RIN3: variants seen among roughly 807,000 people sequenced by gnomAD.
RIN3 encodes Ras and Rab interactor 3.
In RIN3, 54 loss-of-function variants were observed where a neutral mutation model predicts 76.3. The ratio of observed to expected loss-of-function variants is 0.71; its 90% CI spans 0.57 to 0.89. The LOEUF is 0.89. Ranked by LOEUF, RIN3 falls within the 40% of genes least tolerant of loss-of-function variation. The pLI is 0.00. For missense variants in RIN3, 1,256 were observed against 1,322.1 expected (o/e 0.95, Z 0.78); for synonymous variants, 576 against 564.0 (o/e 1.02, Z -0.30).
In RIN3 at chr14:92,514,042, T is replaced by G. The variant is rs1896369009; in HGVS notation, c.44+66T>G. The G allele has an allele frequency of 5.6e-6, 6 of 1,075,764 alleles. No homozygotes were observed. The highest frequency in any genetic ancestry group is 7.1e-6 in the Non-Finnish European group (6 of 844,316). 66.6% of individuals were successfully genotyped at this position (1,075,764 alleles called of 1,614,324 possible). The stretch of plus-strand genomic sequence containing the variant: ...ACGGCCCGCGTCCTGGCCGCCCCAC[T>G]CCACTTCTTGTCCCAGAGAGTCCTT... On this transcript the variant is annotated intron_variant, in intron 1 of 9. Coordinates refer to ENST00000216487, the MANE Select transcript of RIN3 (RefSeq NM_024832.5). This position sits in a 1 kb window ranked among gnomAD's most constrained non-coding sequence, Gnocchi z 7.2.
chr14:92,581,116 G>A (rs1349096749), intron 3 of RIN3, among the ~76,000 whole-genome samples: 1 of 152,224 alleles, frequency 6.6e-6, no homozygotes, highest in East Asian at 1.9e-4. Flanking sequence ...CAGCAGAAGA[G>A]GTAGGGCTGT....
chr14:92,610,374 C>T (rs1372704872), intron 3 of RIN3, among the ~76,000 whole-genome samples: 3 of 152,200 alleles, frequency 2.0e-5, no homozygotes, highest in South Asian at 2.1e-4. Flanking sequence ...TCCTTTCTGT[C>T]TCTGTTTATT....
At chr14:92,609,691 T>A (rs1425039598) in intron 3 of RIN3, among the ~76,000 whole-genome samples, 1 of 151,914 alleles carries the variant, frequency 6.6e-6, no homozygotes, top group South Asian at 2.1e-4. Context: ...ACTAGTAGGG[T>A]TTTGATCTGC....
chr14:92,596,409 G>A (rs1885150073), intron 3 of RIN3, among the ~76,000 whole-genome samples: 2 of 152,156 alleles, frequency 1.3e-5, no homozygotes, highest in African/African-American at 2.4e-5. Flanking sequence ...GCTGAAGTGT[G>A]CCCCCGGATG....
At chr14:92,580,360 G>A (rs557079608) in intron 3 of RIN3, among the ~76,000 whole-genome samples, 3 of 152,288 alleles carry the variant, frequency 2.0e-5, no homozygotes, top group South Asian at 4.1e-4. Flanking sequence ...GTGAGACTCC[G>A]TCTCAACAAC....
chr14:92,614,872 T>C (rs1318673586), intron 3 of RIN3, among the ~76,000 whole-genome samples: 4 of 137,310 alleles, frequency 2.9e-5, no homozygotes, highest in Non-Finnish European at 6.1e-5. Context: ...TGAGACAGAG[T>C]CTCACTCTGT....
intron 1 of RIN3, among the ~76,000 whole-genome samples, chr14:92,533,633 C>T (rs1273785131): frequency 1.3e-5 from 2 of 152,104 alleles, no homozygotes; most frequent in African/African-American, 2.4e-5. Flanking sequence ...AACCAAACAT[C>T]ATATGTTCTC....
At chr14:92,523,528 A>G (rs1420881145) in intron 1 of RIN3, among the ~76,000 whole-genome samples, 1 of 152,236 alleles carries the variant, frequency 6.6e-6, no homozygotes, top group Non-Finnish European at 1.5e-5. Flanking sequence ...TGCCCGAAGT[A>G]CTCAGCTGCT....
chr14:92,688,421 G>T lies in RIN3; in HGVS notation c.*169G>T. On this transcript the variant is annotated 3_prime_UTR_variant, in exon 10 of 10. Coordinates refer to ENST00000216487, the MANE Select transcript of RIN3 (RefSeq NM_024832.5). Reference sequence around the variant, plus strand: ...GAAAATAACATGACGCTCGTCCAAGGCCACTTCCTGAGGGCAAGTCCTAAT... The same window carrying T: ...GAAAATAACATGACGCTCGTCCAAGTCCACTTCCTGAGGGCAAGTCCTAAT... 3 of 648,296 alleles carry T rather than the reference G, an allele frequency of 4.6e-6. No individual in the cohort carries two copies. Among genetic ancestry groups the T allele is most frequent in the East Asian group, 5.7e-5 (2 of 35,204 alleles). The allele number at this position is 648,296 out of a possible 1,614,324, so 40.2% of individuals were successfully genotyped here. A position where few individuals can be genotyped will look rare whatever the true frequency, so the allele number is the denominator to read the frequency against.
chr14:92,566,154 T>C (rs991917706), intron 2 of RIN3, among the ~76,000 whole-genome samples: 2 of 152,210 alleles, frequency 1.3e-5, no homozygotes, highest in African/African-American at 4.8e-5. Context: ...ATGCTATTGT[T>C]CGTCTAGTGG....
chr14:92,545,914 C>CCTTCT (rs1897251416), intron 1 of RIN3, among the ~76,000 whole-genome samples: 1 of 146,854 alleles, frequency 6.8e-6, no homozygotes, highest in Non-Finnish European at 1.5e-5. Context: ...TGATTCTGGC[C>CCTTCT]CTTTTCTTTT....
chr14:92,581,600 C>T (rs1884540973), intron 3 of RIN3, among the ~76,000 whole-genome samples: 1 of 152,144 alleles, frequency 6.6e-6, no homozygotes. Flanking sequence ...CGCCATACTC[C>T]TTCCCCACCT....
intron 1 of RIN3, among the ~76,000 whole-genome samples, chr14:92,516,891 C>T (rs927403785): frequency 6.6e-6 from 1 of 152,126 alleles, no homozygotes; most frequent in Non-Finnish European, 1.5e-5. Flanking sequence ...GGAAACCTAC[C>T]AGGAATTGAT....
chr14:92,626,746 T>A (rs376390496), intron 4 of RIN3, among the ~76,000 whole-genome samples: 9 of 151,544 alleles, frequency 5.9e-5, no homozygotes, highest in East Asian at 5.8e-4. Context: ...ACAGGTCAAG[T>A]TGGGGGGAAT....
intron 1 of RIN3, 27 bp from the exon 2 acceptor site, chr14:92,555,724 A>G: frequency 2.5e-6 from 4 of 1,610,742 alleles, no homozygotes; most frequent in Non-Finnish European, 3.4e-6. Flanking sequence ...GCTGCAGGAT[A>G]GCTGATCATT....
rs368166664 is a variant in RIN3, at chr14:92,563,910, A to AAC, written c.249+7967_249+7968dup. Among the ~76,000 whole-genome samples the AAC allele has an allele frequency of 2.6e-5, 4 of 152,130 alleles. No homozygotes were observed. The East Asian group carries it at 7.7e-4, about 29-fold the overall frequency. On this transcript the variant is annotated intron_variant, in intron 2 of 9. Coordinates refer to ENST00000216487, the MANE Select transcript of RIN3 (RefSeq NM_024832.5). The stretch of plus-strand genomic sequence containing the variant: ...TTTCTTACATCTCTGTACACACACA[A>AAC]ACACACACACACATACCCCTAAGCT...
intron 7 of RIN3, among the ~76,000 whole-genome samples, chr14:92,676,181 G>A (rs538338804): frequency 1.3e-5 from 2 of 152,060 alleles, no homozygotes; most frequent in African/African-American, 4.8e-5. Flanking sequence ...GCAAGCAGCA[G>A]GGGGCGGTCA....
intron 2 of RIN3, 123 bp from the exon 3 acceptor site, chr14:92,577,237 T>G (rs1251883476): frequency 6.2e-6 from 4 of 643,030 alleles, no homozygotes; most frequent in Admixed American, 2.4e-5. Flanking sequence ...GAGGCATCCT[T>G]GATCTCCCTA....
At chr14:92,525,113 C>A (rs987996780) in intron 1 of RIN3, among the ~76,000 whole-genome samples, 4 of 152,210 alleles carry the variant, frequency 2.6e-5, no homozygotes, top group Non-Finnish European at 5.9e-5. Flanking sequence ...TCTTGCCAAG[C>A]CTTGTGTCAT....
Sources: gnomAD v4.1 joint callset for allele counts (sites outside exome capture counted in the v4.1 genomes callset) on GRCh38, gnomAD v4.1.1 for gene constraint, Gnocchi (gnomAD v3.1) non-coding constraint, MANE v1.5 for transcripts, NCBI Gene and HGNC (gene_info 2026-07-23, HGNC 2026-07-21) for gene names.